The following INF2 variants were observed in gnomAD, a reference collection of about 807,000 sequenced individuals.
INF2 encodes the protein inverted formin-2.
INF2 carries 43 observed loss-of-function variants against 123.5 expected under a neutral mutation model. That is an observed-to-expected ratio of 0.35 (90% CI 0.27 to 0.45). The LOEUF is 0.45. INF2 is among the 20% of genes least tolerant of loss of function. The probability of loss-of-function intolerance (pLI) is 1.00; values close to 1 mark genes in which losing one functional copy is unlikely to be tolerated. For missense variants in INF2, 1,453 were observed against 1,682.7 expected (o/e 0.86, Z 2.39); for synonymous variants, 851 against 745.0 (o/e 1.14, Z -2.32).
intron 1 of INF2, 90 bp from the exon 2 acceptor site, chr14:104,701,267 G>C: frequency 7.1e-7 from 1 of 1,403,352 alleles, no homozygotes; most frequent in Non-Finnish European, 9.6e-7. Context: ...GAGAAACTGA[G>C]ACCGAGGGAA....
chr14:104,702,542 C>T (rs1463498721), intron 2 of INF2, among the ~76,000 whole-genome samples: 1 of 151,364 alleles, frequency 6.6e-6, no homozygotes, highest in African/African-American at 2.4e-5. Context: ...CAGTGATGGG[C>T]GGGGCTGGGC....
intron 1 of INF2, among the ~76,000 whole-genome samples, chr14:104,690,970 C>A (rs1377503106): frequency 6.6e-6 from 1 of 152,168 alleles, no homozygotes; most frequent in Non-Finnish European, 1.5e-5. Flanking sequence ...ATTTTCTGTT[C>A]TAAAAGCCAG....
chr14:104,697,279 G>A lies in INF2; in HGVS notation c.-9-4078G>A, dbSNP rs141633626. ...CCTGGCTCCTGGGAGGCAAGTGAGG[G>A]AGCCGAGGCCTGGGGGCTTCAGTGG... On this transcript the variant is annotated intron_variant, in intron 1 of 22. Coordinates refer to ENST00000392634, the MANE Select transcript of INF2 (RefSeq NM_022489.4). Among the ~76,000 whole-genome samples the A allele has an allele frequency of 7.7e-3, 1,168 of 152,360 alleles. 12 individuals are homozygous for A. Among genetic ancestry groups the A allele is most frequent in the Middle Eastern group, 0.034 (10 of 294 alleles).
At chr14:104,714,140 G>A in intron 20 of INF2, 63 bp from the exon 21 acceptor site, 1 of 1,367,434 alleles carries the variant, frequency 7.3e-7, no homozygotes, top group Non-Finnish European at 9.7e-7. Flanking sequence ...AATGGAGGAG[G>A]CTGCACCTGG....
chr14:104,708,684 A>T lies in INF2; in HGVS notation c.1901A>T (p.Asp634Val). 1 of 1,612,942 alleles carries T rather than the reference A, an allele frequency of 6.2e-7. No individual in the cohort carries two copies. Among genetic ancestry groups the T allele is most frequent in the Non-Finnish European group, 8.5e-7 (1 of 1,179,816 alleles). Residue 634 changes from aspartate (D) to valine (V), a missense_variant, in exon 10 of 23, where the codon GAT becomes GTT. Coordinates refer to ENST00000392634, the MANE Select transcript of INF2 (RefSeq NM_022489.4). ...GGGGTTTTCTAGATCACTTTCCTCG[A>T]TGCCAAGAAGAGCCTGAACCTCAAC... ...RKEPKEITFL[D>V]AKKSLNLNIF...
At position 104,719,043 on chromosome 14, in the gene INF2, C is replaced by A; in HGVS notation, c.*250C>A. ...CCTGCACGTGCCAGCCTCCCACCTG[C>A]TTCCTAAAGGCAACCCTGGCCCACA... On this transcript the variant is annotated 3_prime_UTR_variant, in exon 23 of 23. Coordinates refer to ENST00000392634, the MANE Select transcript of INF2 (RefSeq NM_022489.4). 1 of 893,800 alleles carries A rather than the reference C, an allele frequency of 1.1e-6. No individual in the cohort carries two copies. Among genetic ancestry groups the A allele is most frequent in the South Asian group, 2.1e-5 (1 of 46,926 alleles). 55.4% of individuals were successfully genotyped at this position (893,800 alleles called of 1,614,324 possible). A position where few individuals can be genotyped will look rare whatever the true frequency, so the allele number is the denominator to read the frequency against.
intron 1 of INF2, among the ~76,000 whole-genome samples, chr14:104,683,583 T>C (rs2140570588): frequency 6.6e-6 from 1 of 151,316 alleles, no homozygotes; most frequent in South Asian, 2.1e-4. Flanking sequence ...ATTCCATTCA[T>C]AAATACTTCT....
At chr14:104,691,743 C>T (rs907823842) in intron 1 of INF2, among the ~76,000 whole-genome samples, 5 of 152,034 alleles carry the variant, frequency 3.3e-5, no homozygotes, top group African/African-American at 9.7e-5. Flanking sequence ...ACGGGCTCCC[C>T]GTCGCTGGAG....
In INF2 at chr14:104,701,441, A is replaced by C. The variant is rs1889488972; in HGVS notation, c.76A>C (p.Thr26Pro). Residue 26 changes from threonine (T) to proline (P), a missense_variant, in exon 2 of 23, where the codon ACG becomes CCG. Thr to Pro is a conservative substitution (Grantham distance 38, BLOSUM62 -1). Around this residue, in one of 8 missense-constraint regions of INF2, gnomAD observed 43 missense variants for 44.7 expected, o/e 0.96. Coordinates refer to ENST00000392634, the MANE Select transcript of INF2 (RefSeq NM_022489.4). ...EKLGPQDSDP[T>P]EANLESADPE... is the part of the protein sequence containing the mutation. ...GCTGGGGCCACAGGATTCGGACCCC[A>C]CGGAGGCCAACCTGGAGAGCGCGGA... 11 of 1,595,824 alleles carry C rather than the reference A, an allele frequency of 6.9e-6. No homozygotes were observed. Among genetic ancestry groups the C allele is most frequent in the Non-Finnish European group, 9.4e-6 (11 of 1,171,154 alleles).
intron 1 of INF2, chr14:104,700,854 G>A (rs1889445166): frequency 1.0e-6 from 1 of 985,214 alleles, no homozygotes; most frequent in Non-Finnish European, 1.2e-6. Flanking sequence ...GGCACCCCAG[G>A]CATGCCTGAG....
rs377414980 is a variant in INF2, at chr14:104,713,553, C to T, written c.2987C>T (p.Thr996Ile). 1.3e-5 allele frequency: 21 copies of T among 1,612,018 alleles called. No homozygotes were observed. The highest frequency in any genetic ancestry group is 1.6e-5 in the Non-Finnish European group (19 of 1,179,660). The part of the protein sequence containing the change: ...LRKTARGRGD[T>I]DGGSKAASMD... ...AAGACAGCCCGGGGCCGCGGGGACA[C>T]CGACGGGGGCAGCAAGGCAGCCTCC... Residue 996 changes from threonine (T) to isoleucine (I), a missense_variant, in exon 20 of 23, where the codon ACC (threonine) becomes ATC (isoleucine). Thr to Ile is a moderately conservative substitution (Grantham distance 89, BLOSUM62 -1). Around this residue, in one of 8 missense-constraint regions of INF2, gnomAD observed 212 missense variants for 266.2 expected, o/e 0.80. Transcript: ENST00000392634.
chr14:104,696,933 A>C (rs1889218464), intron 1 of INF2, among the ~76,000 whole-genome samples: 1 of 152,030 alleles, frequency 6.6e-6, no homozygotes, highest in South Asian at 2.1e-4. Flanking sequence ...ACTCCCAGGC[A>C]GCAGCCCCCC....
chr14:104,689,275 C>A (rs1046091269), upstream of INF2: 13 of 984,602 alleles, frequency 1.3e-5, no homozygotes, highest in African/African-American at 3.5e-5. Context: ...CCAGTCCCAC[C>A]GGAGGATAGG....
intron 1 of INF2, among the ~76,000 whole-genome samples, chr14:104,697,155 A>G (rs1011504887): frequency 2.0e-5 from 3 of 152,206 alleles, no homozygotes; most frequent in African/African-American, 7.2e-5. Flanking sequence ...GGGCTGTCCC[A>G]GGCAGACTCA....
At chr14:104,713,173 C>T (rs577001903) in intron 18 of INF2, 34 bp from the exon 19 acceptor site, 13 of 1,570,770 alleles carry the variant, frequency 8.3e-6, no homozygotes, top group East Asian at 7.1e-5. Flanking sequence ...AGGGATGCCA[C>T]GCTGGGGTGA....
chr14:104,705,056 A>G (rs1889715332), intron 5 of INF2, among the ~76,000 whole-genome samples: 1 of 152,138 alleles, frequency 6.6e-6, no homozygotes, highest in African/African-American at 2.4e-5. Context: ...GACTGTACTC[A>G]GGGGGGTGTC....
rs746184095 is a variant in INF2 at position 104,706,985 on chromosome 14, T to C, written c.919T>C (p.Ser307Pro). The C allele has an allele frequency of 1.9e-6, 3 of 1,598,906 alleles. No individual in the cohort carries two copies. The South Asian group carries it at 3.3e-5, about 18-fold the overall frequency. ...GLLHLEPTLR[S>P]SQLLWEALES... ...CCTGCACCTGGAGCCCACCCTCCGC[T>C]CCAGCCAGCTGCTCTGGGAGGCCCT... Residue 307 changes from serine to proline, a missense_variant, in exon 7 of 23, where the codon TCC becomes CCC. Ser to Pro is a moderately conservative substitution (Grantham distance 74). Transcript: ENST00000392634.
upstream of INF2, chr14:104,689,116 T>C (rs1888792018): frequency 1.3e-6 from 1 of 761,792 alleles, no homozygotes; most frequent in Admixed American, 6.3e-5. Context: ...GCCACATGGG[T>C]GGCCTGGTTG....
chr14:104,708,390 G>T (rs1256205716), intron 8 of INF2, 46 bp from the exon 9 acceptor site: 1 of 1,603,396 alleles, frequency 6.2e-7, no homozygotes, highest in Non-Finnish European at 8.5e-7. Context: ...GGATCGCCAG[G>T]CCCCGGGGCT....
Sources: gnomAD v4.1 joint callset for allele counts (sites outside exome capture counted in the v4.1 genomes callset) on GRCh38, gnomAD v4.1.1 for gene constraint, gnomAD v4.1.1 regional missense constraint, MANE v1.5 for transcripts, NCBI Gene and HGNC (gene_info 2026-07-23, HGNC 2026-07-21) for gene names.